The following GRM8 variants were observed in gnomAD, a reference collection of about 807,000 sequenced individuals.
The protein encoded by GRM8 is metabotropic glutamate receptor 8.
GRM8 carries 47 observed loss-of-function variants against 87.2 expected under a neutral mutation model. The observed-to-expected ratio is 0.54, with a 90% CI of 0.43 to 0.69. The LOEUF (loss-of-function observed/expected upper bound fraction) is 0.69, where lower values mean the gene tolerates loss of function less well. Ranked by LOEUF, GRM8 falls within the 30% of genes least tolerant of loss-of-function variation. The probability of loss-of-function intolerance (pLI) is 0.00; values close to 1 mark genes in which losing one functional copy is unlikely to be tolerated. For missense variants in GRM8, 1,019 were observed against 1,139.2 expected (o/e 0.89, Z 1.52); for synonymous variants, 396 against 404.5 (o/e 0.98, Z 0.25).
At chr7:126,561,744 T>C (rs938186715) in intron 8 of GRM8, among the ~76,000 whole-genome samples, 4 of 151,198 alleles carry the variant, frequency 2.6e-5, no homozygotes, top group Admixed American at 6.6e-5. Flanking sequence ...TCATTTAGCA[T>C]TAGGTATATC....
At chr7:127,116,475 T>C (rs1473362632) in intron 2 of GRM8, among the ~76,000 whole-genome samples, 1 of 152,084 alleles carries the variant, frequency 6.6e-6, no homozygotes, top group Non-Finnish European at 1.5e-5. Context: ...ATGGAACATA[T>C]GACCAAATGG....
In GRM8 at chr7:126,722,106, A is replaced by G. The variant is rs189645439; in HGVS notation, c.1357+47759T>C. On this transcript the variant is annotated intron_variant, in intron 7 of 10. Transcript: ENST00000339582. ...TCCATCAAATCTGCACGGACACTCTATTCTTTAACTTTCCTCCTGGGCGTC... is the reference window on the plus strand; with the variant it reads ...TCCATCAAATCTGCACGGACACTCTGTTCTTTAACTTTCCTCCTGGGCGTC... 1.1e-4 allele frequency among the ~76,000 whole-genome samples: 16 copies of G among 152,236 alleles called. No homozygotes were observed. In the East Asian group the frequency reaches 2.5e-3, roughly 24 times the overall value.
intron 7 of GRM8, among the ~76,000 whole-genome samples, chr7:126,756,286 A>G (rs1213807848): frequency 1.3e-5 from 2 of 152,092 alleles, no homozygotes; most frequent in Non-Finnish European, 2.9e-5. Context: ...TATAGACCTA[A>G]ATGTAAAAGG....
intron 2 of GRM8, among the ~76,000 whole-genome samples, chr7:127,234,304 T>C (rs543251002): frequency 1.2e-4 from 18 of 152,346 alleles, no homozygotes; most frequent in African/African-American, 4.3e-4. Context: ...AGTAAAAATG[T>C]GTAAAATGGT....
At chr7:126,807,134 G>A (rs967147020) in intron 6 of GRM8, among the ~76,000 whole-genome samples, 2 of 152,216 alleles carry the variant, frequency 1.3e-5, no homozygotes, top group Admixed American at 1.3e-4. Flanking sequence ...AAGTACACAA[G>A]CATTACTTTT....
At chr7:126,532,828 A>C (rs1354395636) in intron 9 of GRM8, 124 bp downstream of exon 9, 1 of 371,506 alleles carries the variant, frequency 2.7e-6, no homozygotes. Context: ...CATGCTAAGT[A>C]AGAATAGCAC....
chr7:126,492,934 A>C (rs948596005), intron 9 of GRM8, among the ~76,000 whole-genome samples: 2 of 152,048 alleles, frequency 1.3e-5, no homozygotes, highest in African/African-American at 2.4e-5. Context: ...TATTTTTCCT[A>C]GGGTGAATGT....
chr7:126,477,591 G>GAAAGAA (rs199532101), intron 9 of GRM8, among the ~76,000 whole-genome samples: 1 of 49,750 alleles, frequency 2.0e-5, no homozygotes, highest in South Asian at 9.8e-4. Flanking sequence ...GAGAAAGAAA[G>GAAAGAA]AAAGAAAGAA....
rs181557771 is a variant in GRM8, at chr7:126,722,154, C to T, written c.1357+47711G>A. Among the ~76,000 whole-genome samples, 431 of 152,250 alleles carry T rather than the reference C, an allele frequency of 2.8e-3. 8 individuals carry two copies. Among genetic ancestry groups the T allele is most frequent in the African/African-American group, 9.9e-3 (410 of 41,560 alleles). On this transcript the variant is annotated intron_variant, in intron 7 of 10. Coordinates refer to ENST00000339582, the MANE Select transcript of GRM8 (RefSeq NM_000845.3). ...GTCATAAAAATTTTTAATCTTATTTCCAACTGGACCTCTCCAGAACCCTGC... is the reference window on the plus strand; with the variant it reads ...GTCATAAAAATTTTTAATCTTATTTTCAACTGGACCTCTCCAGAACCCTGC...
At chr7:127,057,125 C>T (rs1474536113) in intron 3 of GRM8, among the ~76,000 whole-genome samples, 1 of 152,146 alleles carries the variant, frequency 6.6e-6, no homozygotes, top group Admixed American at 6.5e-5. Context: ...AAACATACAG[C>T]TTTATATCCA....
At chr7:126,652,860 T>C (rs546229685) in intron 7 of GRM8, among the ~76,000 whole-genome samples, 34 of 152,284 alleles carry the variant, frequency 2.2e-4, no homozygotes, top group African/African-American at 8.2e-4. Flanking sequence ...ACACTCTTTA[T>C]TCTAACAGGC....
chr7:126,487,427 A>AT (rs1807503278), intron 9 of GRM8, among the ~76,000 whole-genome samples: 1 of 151,872 alleles, frequency 6.6e-6, no homozygotes, highest in Non-Finnish European at 1.5e-5. Context: ...ACCACACGAG[A>AT]CGGAAGTAAT....
intron 8 of GRM8, among the ~76,000 whole-genome samples, chr7:126,589,161 C>T (rs1244155001): frequency 6.6e-6 from 1 of 152,174 alleles, no homozygotes; most frequent in East Asian, 1.9e-4. Flanking sequence ...CAGACACAGG[C>T]AGGCAAGGAG....
intron 8 of GRM8, among the ~76,000 whole-genome samples, chr7:126,574,700 T>C (rs777943638): frequency 2.6e-5 from 4 of 152,202 alleles, no homozygotes; most frequent in Non-Finnish European, 4.4e-5. Flanking sequence ...CAACTAACAT[T>C]CCACTTCTTT....
chr7:126,923,180 T>C (rs976140028), intron 3 of GRM8, among the ~76,000 whole-genome samples: 1 of 152,258 alleles, frequency 6.6e-6, no homozygotes, highest in African/African-American at 2.4e-5. Flanking sequence ...TATTATCTTA[T>C]GCTGATTGCT....
chr7:126,828,545 G>C (rs1043785010), intron 6 of GRM8, among the ~76,000 whole-genome samples: 2 of 152,148 alleles, frequency 1.3e-5, no homozygotes, highest in Non-Finnish European at 2.9e-5. Flanking sequence ...ATTTCTGAGG[G>C]ATTGGTGGTG....
chr7:126,952,807 G>A (rs1319178062), intron 3 of GRM8, among the ~76,000 whole-genome samples: 1 of 151,990 alleles, frequency 6.6e-6, no homozygotes, highest in East Asian at 1.9e-4. Context: ...AAAAGTTAAG[G>A]AAAGATGAGA....
intron 6 of GRM8, among the ~76,000 whole-genome samples, chr7:126,770,955 G>T (rs1818780087): frequency 6.6e-6 from 1 of 151,860 alleles, no homozygotes; most frequent in Admixed American, 6.6e-5. Flanking sequence ...AGAAAAATTT[G>T]GTAGATGGCA....
chr7:126,794,703 G>A (rs1487657429), intron 6 of GRM8, among the ~76,000 whole-genome samples: 7 of 152,102 alleles, frequency 4.6e-5, no homozygotes, highest in East Asian at 3.8e-4. Flanking sequence ...GCCCTAAAAC[G>A]GTGTTTGTCA....
Sources: gnomAD v4.1 joint callset for allele counts (sites outside exome capture counted in the v4.1 genomes callset) on GRCh38, gnomAD v4.1.1 for gene constraint, MANE v1.5 for transcripts, NCBI Gene and HGNC (gene_info 2026-07-23, HGNC 2026-07-21) for gene names.